The following PCDHA11 variants were observed in gnomAD, a reference collection of about 807,000 sequenced individuals.
PCDHA11 encodes the protein protocadherin alpha-11.
In PCDHA11, 61 loss-of-function variants were observed where a neutral mutation model predicts 70.3. That is an observed-to-expected ratio of 0.87 (90% CI 0.71 to 1.07). PCDHA11 has a LOEUF of 1.07. PCDHA11 is among the 50% of genes least tolerant of loss of function. The probability of loss-of-function intolerance (pLI) is 0.00; values close to 1 mark genes in which losing one functional copy is unlikely to be tolerated. For missense variants in PCDHA11, 1,324 were observed against 1,237.5 expected (o/e 1.07, Z -1.05); for synonymous variants, 633 against 555.1 (o/e 1.14, Z -1.97).
At chr5:140,889,910 T>C (rs1554184095) in intron 1 of PCDHA11, among the ~76,000 whole-genome samples, 1 of 152,156 alleles carries the variant, frequency 6.6e-6, no homozygotes, top group East Asian at 1.9e-4. Flanking sequence ...GAGATTGTCA[T>C]ACTGTAAAGA....
At chr5:140,897,419 A>G (rs1329501260) in intron 1 of PCDHA11, among the ~76,000 whole-genome samples, 2 of 141,212 alleles carry the variant, frequency 1.4e-5, no homozygotes, top group East Asian at 4.3e-4. Flanking sequence ...ATTCCCATCT[A>G]TGAGTGAGAA....
intron 3 of PCDHA11, among the ~76,000 whole-genome samples, chr5:140,990,648 A>G (rs2097404919): frequency 2.0e-5 from 3 of 152,220 alleles, no homozygotes; most frequent in Admixed American, 1.3e-4. Flanking sequence ...CTCAGCCAGT[A>G]TGAATGATTT....
chr5:140,906,180 C>T (rs1457176453), intron 1 of PCDHA11, among the ~76,000 whole-genome samples: 1 of 152,132 alleles, frequency 6.6e-6, no homozygotes, highest in Non-Finnish European at 1.5e-5. Flanking sequence ...ACTTTGCATC[C>T]TTCAATCCAA....
chr5:140,925,424 T>C (rs1554202738), intron 1 of PCDHA11, among the ~76,000 whole-genome samples: 1 of 152,038 alleles, frequency 6.6e-6, no homozygotes, highest in Non-Finnish European at 1.5e-5. Context: ...GAACTGGTTG[T>C]AGGGTGTTAG....
At chr5:141,005,687 G>A (rs1454342103) in intron 3 of PCDHA11, among the ~76,000 whole-genome samples, 3 of 116,164 alleles carry the variant, frequency 2.6e-5, no homozygotes, top group African/African-American at 7.0e-5. Context: ...GGGCGACAGA[G>A]CGAAACTCCG....
rs116001450 is a variant in PCDHA11 at position 140,876,617 on chromosome 5, A to G, written c.2391+5123A>G. 182 of 1,614,178 alleles carry G rather than the reference A, an allele frequency of 1.1e-4. No individual in the cohort carries two copies. The African/African-American group carries it at 2.3e-3, about 20-fold the overall frequency. ...GTGTCGGATCGTGACTCTGGAGCCAATGGACAGGTCATCTGCTCACTGACA... is the reference window on the plus strand; with the variant it reads ...GTGTCGGATCGTGACTCTGGAGCCAGTGGACAGGTCATCTGCTCACTGACA... On this transcript the variant is annotated intron_variant, in intron 1 of 3. Transcript: ENST00000398640.
rs560485194 is a variant in PCDHA11 at position 140,872,763 on chromosome 5, G to A, written c.2391+1269G>A. ...AACTTGCTAAAGACATGCATATAGG[G>A]CTATATTATCTATAATATATGCTAG... On this transcript the variant is annotated intron_variant, in intron 1 of 3. Coordinates refer to ENST00000398640, the MANE Select transcript of PCDHA11 (RefSeq NM_018902.5). 2.0e-5 allele frequency among the ~76,000 whole-genome samples: 3 copies of A among 152,126 alleles called. No homozygotes were observed. The South Asian group carries it at 6.2e-4, about 32-fold the overall frequency.
chr5:140,980,545 G>A lies in PCDHA11; in HGVS notation c.2450+1538G>A, dbSNP rs190037193. ...CTAGGGAGGCTGAGGCAGGAGAATC[G>A]CTTGAACCCGGGAGGCGGAAGTTGC... On this transcript the variant is annotated intron_variant, in intron 2 of 3. Transcript: ENST00000398640. 4.1e-3 allele frequency among the ~76,000 whole-genome samples: 627 copies of A among 152,232 alleles called. 4 individuals are homozygous for A. Among genetic ancestry groups the A allele is most frequent in the Non-Finnish European group, 6.8e-3 (460 of 67,996 alleles).
chr5:141,001,694 C>A (rs2098032582), intron 3 of PCDHA11, among the ~76,000 whole-genome samples: 1 of 151,662 alleles, frequency 6.6e-6, no homozygotes, highest in African/African-American at 2.4e-5. Flanking sequence ...CCACAGATGG[C>A]GAAATAGGGG....
chr5:140,937,069 G>A (rs1385358225), intron 1 of PCDHA11, among the ~76,000 whole-genome samples: 3 of 138,378 alleles, frequency 2.2e-5, no homozygotes, highest in South Asian at 2.2e-4. Context: ...ACGGAGTCTC[G>A]CTCTGTCGCC....
At chr5:140,992,020 TGTGTG>T (rs1460938904) in intron 3 of PCDHA11, among the ~76,000 whole-genome samples, 1 of 51,270 alleles carries the variant, frequency 2.0e-5, no homozygotes, top group African/African-American at 5.9e-5. Flanking sequence ...GGTGGCTCTG[TGTGTG>T]TGTGTGTGTG....
rs566725560 is a variant in PCDHA11, at chr5:140,929,099, G to T, written c.2392-49850G>T. The T allele has an allele frequency of 9.3e-6, 15 of 1,614,170 alleles. No homozygotes were observed. The African/African-American group carries it at 1.9e-4, about 20-fold the overall frequency. ...GGAAGTAAGATGGTTTCAAATCCTT[G>T]CATGACATCAGCCACCATAGATGTC... On this transcript the variant is annotated intron_variant, in intron 1 of 3. Transcript: ENST00000398640.
intron 1 of PCDHA11, among the ~76,000 whole-genome samples, chr5:140,903,033 G>A (rs2069954043): frequency 6.6e-6 from 1 of 152,180 alleles, no homozygotes; most frequent in African/African-American, 2.4e-5. Context: ...GCTTGCACAT[G>A]TGTCTTTTTC....
intron 1 of PCDHA11, among the ~76,000 whole-genome samples, chr5:140,941,343 G>C (rs2093045496): frequency 8.8e-6 from 1 of 114,104 alleles, no homozygotes. Context: ...TTCAGATGGA[G>C]TCTTGCTCTG....
Position 140,870,110 on chromosome 5 carries a change from G to A in PCDHA11, c.1007G>A (p.Trp336Ter), listed in dbSNP as rs570133503. 6 of 1,613,896 alleles carry A rather than the reference G, an allele frequency of 3.7e-6. No individual in the cohort carries two copies. In the South Asian group the frequency reaches 6.6e-5, roughly 18 times the overall value. Residue 336 changes from tryptophan (W) to a stop codon, truncating the protein, a stop_gained, in exon 1 of 4, where the codon TGG becomes TAG. Coordinates refer to ENST00000398640, the MANE Select transcript of PCDHA11 (RefSeq NM_018902.5). LOFTEE classifies it high-confidence loss of function. ...TPPMAGHCTV[W>*]VEILDTNDNS... ...CCAATGGCAGGTCACTGTACAGTCT[G>A]GGTGGAAATCTTGGACACCAACGAT... is the stretch of plus-strand genomic sequence containing the variant.
chr5:140,901,970 G>A (rs1178784932), intron 1 of PCDHA11, among the ~76,000 whole-genome samples: 1 of 151,954 alleles, frequency 6.6e-6, no homozygotes, highest in Non-Finnish European at 1.5e-5. Context: ...TCGTAAATGG[G>A]ATTACTTTTT....
At chr5:140,942,992 C>T (rs782446748) in intron 1 of PCDHA11, among the ~76,000 whole-genome samples, 3 of 152,006 alleles carry the variant, frequency 2.0e-5, no homozygotes, top group South Asian at 2.1e-4. Flanking sequence ...TGTGGTGGCT[C>T]ATGCCTGTAA....
chr5:140,978,829 T>A (rs2096825254), intron 1 of PCDHA11, 120 bp from the exon 2 acceptor site: 2 of 1,533,852 alleles, frequency 1.3e-6, no homozygotes, highest in Admixed American at 2.0e-5. Flanking sequence ...ATGAAATGGC[T>A]CATTCAATAC....
intron 1 of PCDHA11, chr5:140,967,505 G>C (rs782818141): frequency 2.4e-5 from 39 of 1,612,940 alleles, no homozygotes; most frequent in Non-Finnish European, 3.2e-5. Context: ...CTCTGTGCGT[G>C]TCCTGGACAC....
Sources: gnomAD v4.1 joint callset for allele counts (sites outside exome capture counted in the v4.1 genomes callset) on GRCh38, gnomAD v4.1.1 for gene constraint, MANE v1.5 for transcripts, NCBI Gene and HGNC (gene_info 2026-07-23, HGNC 2026-07-21) for gene names.